Variants in ERBB4 observed in about 807,000 individuals in gnomAD.
The protein encoded by ERBB4 is receptor tyrosine-protein kinase erbB-4.
A neutral mutation model predicts 158.0 loss-of-function variants in ERBB4; 42 were observed. The ratio of observed to expected loss-of-function variants is 0.27; its 90% confidence interval spans 0.21 to 0.34. ERBB4 has a LOEUF of 0.34. ERBB4 is among the 10% of genes least tolerant of loss of function. ERBB4 has a pLI of 1.00. For synonymous variants in ERBB4, 583 were observed against 558.7 expected (o/e 1.04, Z -0.61); for missense variants, 1,333 against 1,624.1 (o/e 0.82, Z 3.08).
intron 1 of ERBB4, among the ~76,000 whole-genome samples, chr2:212,362,957 A>G (rs1045249124): frequency 2.0e-5 from 3 of 151,326 alleles, no homozygotes; most frequent in Non-Finnish European, 4.4e-5. Flanking sequence ...TGGGCATTTT[A>G]CTGCCTATAA....
At position 211,665,441 on chromosome 2, in the gene ERBB4, C is replaced by G; in HGVS notation, c.1753G>C (p.Asp585His). 1.2e-6 allele frequency: 2 copies of G among 1,613,816 alleles called. No homozygotes were observed. The highest frequency in any genetic ancestry group is 1.7e-5 in the Admixed American group (1 of 59,972). Reference sequence around the variant, plus strand: ...CATTTTTCCACACAGTTTGGGCCATCTTTAAAATGAGAGCACTTTGTACAG... The same window carrying G: ...CATTTTTCCACACAGTTTGGGCCATGTTTAAAATGAGAGCACTTTGTACAG... Reference protein sequence around the residue: ...DNCTKCSHFKDGPNCVEKCPD... With the variant: ...DNCTKCSHFKHGPNCVEKCPD... Residue 585 changes from aspartate to histidine, a missense_variant, in exon 15 of 28, where the codon GAT (aspartate) becomes CAT (histidine). By Grantham distance (81) the Asp-to-His change is moderately conservative. Coordinates refer to ENST00000342788, the MANE Select transcript of ERBB4 (RefSeq NM_005235.3).
rs144114776 is a variant in ERBB4 at position 211,818,947 on chromosome 2, G to A, written c.422-30788C>T. Among the ~76,000 whole-genome samples, 1,239 of 152,108 alleles carry A rather than the reference G, an allele frequency of 8.1e-3. 14 individuals are homozygous for A. The highest frequency in any genetic ancestry group is 0.028 in the African/African-American group (1,174 of 41,522). On this transcript the variant is annotated intron_variant, in intron 3 of 27. Transcript: ENST00000342788. ...TGCTCTAAAATAAACAAGTGACACA[G>A]TTTTAAATTTCTAAAAGCAATATTT...
In ERBB4 at chr2:212,206,773, A is replaced by G. The variant is rs113158413; in HGVS notation, c.83-81870T>C. Among the ~76,000 whole-genome samples the G allele has an allele frequency of 6.2e-3, 941 of 151,630 alleles. 5 individuals carry two copies. The highest frequency in any genetic ancestry group is 0.022 in the African/African-American group (907 of 41,342). On this transcript the variant is annotated intron_variant, in intron 1 of 27. Transcript: ENST00000342788. The stretch of plus-strand genomic sequence containing the variant: ...AGCTAATTTTTTTTGTATTTTTAGT[A>G]GAGACGGGGTTTCACCGTGTTAGCC...
At chr2:211,509,480 A>G (rs2125609745) in intron 20 of ERBB4, among the ~76,000 whole-genome samples, 1 of 152,262 alleles carries the variant, frequency 6.6e-6, no homozygotes, top group South Asian at 2.1e-4. Flanking sequence ...TAAGACCTCA[A>G]ACTAAAGAAA....
At chr2:211,907,970 A>G (rs1575356403) in intron 3 of ERBB4, among the ~76,000 whole-genome samples, 1 of 151,968 alleles carries the variant, frequency 6.6e-6, no homozygotes, top group East Asian at 2.0e-4. Flanking sequence ...CGGGCTACTG[A>G]GACTTCATAC....
chr2:211,861,000 T>TAA, intron 3 of ERBB4, among the ~76,000 whole-genome samples: 1 of 31,052 alleles, frequency 3.2e-5, no homozygotes, highest in Non-Finnish European at 5.4e-5. Flanking sequence ...ATATAATATA[T>TAA]TATATATTTA....
In ERBB4 at chr2:212,371,089, T is replaced by G. The variant is rs945349907; in HGVS notation, c.82+167360A>C. 7.9e-5 allele frequency among the ~76,000 whole-genome samples: 12 copies of G among 152,260 alleles called. No homozygotes were observed. The East Asian group carries it at 2.3e-3, about 29-fold the overall frequency. Reference sequence around the variant, plus strand: ...TCAGCAGTTTCTCAGTGAAAGCCTGTTTCTTGTGTGTACCATCCTCCAGAT... The same window carrying G: ...TCAGCAGTTTCTCAGTGAAAGCCTGGTTCTTGTGTGTACCATCCTCCAGAT... On this transcript the variant is annotated intron_variant, in intron 1 of 27. Transcript: ENST00000342788.
At chr2:211,613,827 A>G (rs975856988) in intron 19 of ERBB4, among the ~76,000 whole-genome samples, 36 of 152,108 alleles carry the variant, frequency 2.4e-4, no homozygotes, top group African/African-American at 8.7e-4. Context: ...GTGCAAATGT[A>G]TATTAGTATA....
At chr2:211,730,955 A>G (rs2074409970) in intron 5 of ERBB4, among the ~76,000 whole-genome samples, 3 of 152,126 alleles carry the variant, frequency 2.0e-5, no homozygotes, top group African/African-American at 7.2e-5. Flanking sequence ...CTGAAACTTA[A>G]TCACAGTGAC....
At chr2:212,405,708 A>G (rs2091326633) in intron 1 of ERBB4, among the ~76,000 whole-genome samples, 1 of 152,114 alleles carries the variant, frequency 6.6e-6, no homozygotes, top group Admixed American at 6.6e-5. Context: ...AGTTACGAAC[A>G]TACTTCAATT....
At chr2:212,105,826 TC>T (rs906145222) in intron 2 of ERBB4, among the ~76,000 whole-genome samples, 1 of 152,162 alleles carries the variant, frequency 6.6e-6, no homozygotes, top group Non-Finnish European at 1.5e-5. Context: ...GGAGGGTCTT[TC>T]CTGTGCTGTT....
chr2:212,442,473 G>T (rs1196892532), intron 1 of ERBB4, among the ~76,000 whole-genome samples: 2 of 152,120 alleles, frequency 1.3e-5, no homozygotes, highest in African/African-American at 2.4e-5. Flanking sequence ...AAGGGAAATG[G>T]TCAGATATTT....
intron 2 of ERBB4, among the ~76,000 whole-genome samples, chr2:212,092,265 C>T (rs1211275390): frequency 6.6e-6 from 1 of 152,188 alleles, no homozygotes; most frequent in Non-Finnish European, 1.5e-5. Context: ...AGACTATTCA[C>T]ATAAAATGAG....
intron 27 of ERBB4, among the ~76,000 whole-genome samples, chr2:211,385,190 G>A (rs1420839065): frequency 2.6e-5 from 4 of 152,134 alleles, no homozygotes; most frequent in African/African-American, 9.6e-5. Flanking sequence ...TATATATACA[G>A]AATAGGTAAG....
chr2:211,748,787 C>A (rs979878640), intron 5 of ERBB4, among the ~76,000 whole-genome samples: 2 of 152,116 alleles, frequency 1.3e-5, no homozygotes, highest in Non-Finnish European at 2.9e-5. Flanking sequence ...CATGAAATGA[C>A]CAGTGGATAT....
intron 1 of ERBB4, among the ~76,000 whole-genome samples, chr2:212,398,886 T>A (rs2091107034): frequency 6.6e-6 from 1 of 152,036 alleles, no homozygotes; most frequent in South Asian, 2.1e-4. Context: ...AAATATGTTT[T>A]CTGAAAACAA....
At chr2:212,443,459 G>A (rs1048386168) in intron 1 of ERBB4, among the ~76,000 whole-genome samples, 2 of 152,188 alleles carry the variant, frequency 1.3e-5, no homozygotes, top group African/African-American at 4.8e-5. Context: ...TCCTACTAAG[G>A]TGAAGCATAA....
rs190758410 is a variant in ERBB4, at chr2:212,097,099, C to G, written c.234+27653G>C. Among the ~76,000 whole-genome samples, 33 of 152,234 alleles carry G rather than the reference C, an allele frequency of 2.2e-4. No homozygotes were observed. In the Middle Eastern group the frequency reaches 0.014, roughly 63 times the overall value. On this transcript the variant is annotated intron_variant, in intron 2 of 27. Coordinates refer to ENST00000342788, the MANE Select transcript of ERBB4 (RefSeq NM_005235.3). ...TAGTACATACAGATAAGCTACAGTA[C>G]TACGCACTGGCAATATTGAGATGAA...
intron 1 of ERBB4, among the ~76,000 whole-genome samples, chr2:212,310,841 C>A (rs1168174321): frequency 5.4e-5 from 8 of 149,144 alleles, no homozygotes; most frequent in Non-Finnish European, 1.2e-4. Flanking sequence ...AAAATGTTCT[C>A]GCAGTCACCA....
Sources: allele counts gnomAD v4.1 joint callset (sites outside exome capture counted in the v4.1 genomes callset), GRCh38; gene constraint gnomAD v4.1.1; transcripts MANE v1.5; gene names NCBI Gene and HGNC (gene_info 2026-07-23, HGNC 2026-07-21).